DGUOK: variants seen among roughly 807,000 people sequenced by gnomAD.
DGUOK encodes deoxyguanosine kinase, mitochondrial.
Under a neutral mutation model 36.6 loss-of-function variants are expected in DGUOK, and 30 were observed. That is an observed-to-expected ratio of 0.82 (90% CI 0.61 to 1.11). The LOEUF (loss-of-function observed/expected upper bound fraction) is 1.11, where lower values mean the gene tolerates loss of function less well. Among genes scored for constraint, DGUOK ranks in the 50% most tolerant of loss-of-function variants. DGUOK has a pLI of 0.00. For synonymous variants in DGUOK, 145 were observed against 126.3 expected (o/e 1.15, Z -0.99); for missense variants, 361 against 336.4 (o/e 1.07, Z -0.57).
At chr2:73,949,699 A>G (rs1181923686) in intron 3 of DGUOK, among the ~76,000 whole-genome samples, 2 of 152,146 alleles carry the variant, frequency 1.3e-5, no homozygotes, top group African/African-American at 2.4e-5. Flanking sequence ...ATTTTCTCCA[A>G]AGTGGCCAGT....
intron 2 of DGUOK, among the ~76,000 whole-genome samples, chr2:73,944,934 G>A (rs745376419): frequency 4.0e-5 from 6 of 149,906 alleles, no homozygotes; most frequent in East Asian, 1.9e-4. Flanking sequence ...CAGGGGCCAC[G>A]TGTGAGGCTG....
intron 3 of DGUOK, among the ~76,000 whole-genome samples, 177 bp from the exon 4 acceptor site, chr2:73,950,408 G>C (rs1432987806): frequency 6.6e-6 from 1 of 152,192 alleles, no homozygotes; most frequent in African/African-American, 2.4e-5. Context: ...CAGGGAGGGA[G>C]ATATGGGTTA....
intron 1 of DGUOK, among the ~76,000 whole-genome samples, chr2:73,930,782 CTTTTTTTTTTTCTTTTT>C (rs1288232666): frequency 1.0e-5 from 1 of 95,476 alleles, no homozygotes; most frequent in Non-Finnish European, 2.2e-5. Flanking sequence ...ACATAATTTT[CTTTTTTTTTTTCTTTTT>C]TTTTTTTTTT....
chr2:73,956,420 C>T (rs1456679118), intron 4 of DGUOK, among the ~76,000 whole-genome samples: 10 of 152,074 alleles, frequency 6.6e-5, no homozygotes, highest in Admixed American at 4.6e-4. Context: ...TGGCTGTAGG[C>T]GGTAAAGAGC....
chr2:73,936,467 C>T (rs1055892711), intron 1 of DGUOK, among the ~76,000 whole-genome samples: 1 of 152,134 alleles, frequency 6.6e-6, no homozygotes, highest in Non-Finnish European at 1.5e-5. Flanking sequence ...TGTACAAATC[C>T]ACAGATTCAT....
chr2:73,938,152 C>T (rs1030706301), intron 1 of DGUOK, among the ~76,000 whole-genome samples: 1 of 152,168 alleles, frequency 6.6e-6, no homozygotes, highest in Non-Finnish European at 1.5e-5. Context: ...ATGGCTTCTT[C>T]TAGGGCCTCA....
chr2:73,955,937 T>C (rs868520968), intron 4 of DGUOK, among the ~76,000 whole-genome samples: 3 of 152,132 alleles, frequency 2.0e-5, no homozygotes, highest in Non-Finnish European at 2.9e-5. Flanking sequence ...ACAGATGATA[T>C]TGAATAATGA....
rs910614083 is a variant in DGUOK, at chr2:73,927,037, A to G, written c.127A>G (p.Ile43Val). 5 of 1,609,496 alleles carry G rather than the reference A, an allele frequency of 3.1e-6. No homozygotes were observed. In the Admixed American group the frequency reaches 8.3e-5, roughly 27 times the overall value. ...HAGRGPRRLS[I>V]EGNIAVGKST... The stretch of plus-strand genomic sequence containing the variant: ...GGGGCGCGGGCCCCGAAGGCTCTCC[A>G]TCGAAGGCAACATTGGTAAGGGCCG... The change falls in exon 1 of 7, where the codon ATC becomes GTC. Residue 43 changes from isoleucine to valine, a missense_variant. Coordinates refer to ENST00000264093, the MANE Select transcript of DGUOK (RefSeq NM_080916.3).
At chr2:73,956,235 G>C (rs1210165992) in intron 4 of DGUOK, among the ~76,000 whole-genome samples, 3 of 152,232 alleles carry the variant, frequency 2.0e-5, no homozygotes, top group African/African-American at 7.2e-5. Flanking sequence ...GGGGAGGAGA[G>C]TTAGTCTCAA....
chr2:73,926,937 T>A lies in DGUOK; in HGVS notation c.27T>A (p.Ser9Arg), dbSNP rs768840084. The change falls in exon 1 of 7, where the codon AGT becomes AGA. Residue 9 changes from serine (S) to arginine (R), a missense_variant. Transcript: ENST00000264093. MAAGRLFL[S>R]RLRAPFSSMA... is the part of the protein sequence containing the mutation. ...TGGCCGCGGGCCGCCTCTTTCTAAG[T>A]CGGCTTCGAGCACCCTTCAGTTCCA... The A allele has an allele frequency of 6.2e-7, 1 of 1,613,554 alleles. No individual in the cohort carries two copies.
intron 1 of DGUOK, among the ~76,000 whole-genome samples, chr2:73,935,432 A>C (rs1448127838): frequency 6.6e-6 from 1 of 152,204 alleles, no homozygotes; most frequent in Non-Finnish European, 1.5e-5. Flanking sequence ...GAACATCTTG[A>C]AACATTTGTC....
At chr2:73,945,161 G>A (rs1682203862) in intron 2 of DGUOK, among the ~76,000 whole-genome samples, 1 of 152,112 alleles carries the variant, frequency 6.6e-6, no homozygotes, top group Admixed American at 6.5e-5. Flanking sequence ...GTCTCTACCT[G>A]AAGTACAATC....
rs1038169804 is a variant in DGUOK at position 73,958,885 on chromosome 2, A to T, written c.*149A>T. 5.8e-6 allele frequency: 4 copies of T among 688,370 alleles called. No homozygotes were observed. In the African/African-American group the frequency reaches 7.2e-5, roughly 12 times the overall value. 42.6% of individuals were successfully genotyped at this position (688,370 alleles called of 1,614,324 possible). ...AAGAGCTGGTTTGTTAATTATTGTT[A>T]GACTTTGCCATTGTTTTCTTTTGTA... On this transcript the variant is annotated 3_prime_UTR_variant, in exon 7 of 7. Transcript: ENST00000264093.
chr2:73,930,782 CTTTTTTTTTTTCTTT>C (rs1217249022), intron 1 of DGUOK, among the ~76,000 whole-genome samples: 9 of 95,476 alleles, frequency 9.4e-5, no homozygotes, highest in African/African-American at 1.9e-4. Flanking sequence ...ACATAATTTT[CTTTTTTTTTTTCTTT>C]TTTTTTTTTT....
At chr2:73,938,758 T>C (rs1050695046) in intron 1 of DGUOK, 152 bp from the exon 2 acceptor site, 6 of 667,464 alleles carry the variant, frequency 9.0e-6, no homozygotes, top group African/African-American at 3.5e-5. Flanking sequence ...TGATCTGTTA[T>C]CAGTCTGACA....
chr2:73,935,732 T>C (rs1443290607), intron 1 of DGUOK, among the ~76,000 whole-genome samples: 1 of 152,192 alleles, frequency 6.6e-6, no homozygotes, highest in African/African-American at 2.4e-5. Flanking sequence ...TTTACTGTCA[T>C]TGTATGCTGA....
intron 2 of DGUOK, among the ~76,000 whole-genome samples, chr2:73,944,849 A>C (rs999336121): frequency 6.6e-6 from 1 of 152,142 alleles, no homozygotes; most frequent in Admixed American, 6.5e-5. Flanking sequence ...GGCTGCTCCC[A>C]ACCATCTCTA....
At position 73,938,932 on chromosome 2, in the gene DGUOK, G is replaced by A. The variant is rs1681687171; in HGVS notation, c.165G>A (p.Val55=). Reference sequence around the variant, plus strand: ...CAGCTGTGGGAAAGTCCACGTTTGTGAAGTTACTCACGAAAACTTACCCAG... The same window carrying A: ...CAGCTGTGGGAAAGTCCACGTTTGTAAAGTTACTCACGAAAACTTACCCAG... ...GNIAVGKSTF[V]KLLTKTYPEW... Residue 55 remains valine, a synonymous_variant, in exon 2 of 7, where the codon GTG becomes GTA. Transcript: ENST00000264093. The A allele has an allele frequency of 6.2e-7, 1 of 1,613,754 alleles. No homozygotes were observed. Among genetic ancestry groups the A allele is most frequent in the African/African-American group, 1.3e-5 (1 of 75,026 alleles).
chr2:73,932,547 A>T lies in DGUOK; in HGVS notation c.142+5495A>T, dbSNP rs1374564780. On this transcript the variant is annotated intron_variant, in intron 1 of 6. Transcript: ENST00000264093. ...TTAGGCATTGGTACCCACACAGGGAATGTATTAAACTGCTTTTTAAATCAA... is the reference window on the plus strand; with the variant it reads ...TTAGGCATTGGTACCCACACAGGGATTGTATTAAACTGCTTTTTAAATCAA... The T allele has an allele frequency of 2.8e-6, 3 of 1,087,952 alleles. No homozygotes were observed. In the African/African-American group the frequency reaches 4.9e-5, roughly 18 times the overall value. The allele number at this position is 1,087,952 out of a possible 1,614,324, so 67.4% of individuals were successfully genotyped here. A position where few individuals can be genotyped will look rare whatever the true frequency, so the allele number is the denominator to read the frequency against.
Sources: gnomAD v4.1 joint callset for allele counts (sites outside exome capture counted in the v4.1 genomes callset) on GRCh38, gnomAD v4.1.1 for gene constraint, MANE v1.5 for transcripts, NCBI Gene and HGNC (gene_info 2026-07-23, HGNC 2026-07-21) for gene names.